Variants in IPO11 observed in about 807,000 individuals in gnomAD.
The protein encoded by IPO11 is importin 11.
A neutral mutation model predicts 143.2 loss-of-function variants in IPO11; 66 were observed. The observed-to-expected ratio is 0.46, with a 90% confidence interval of 0.38 to 0.57. The LOEUF is 0.57. Ranked by LOEUF, IPO11 falls within the 20% of genes least tolerant of loss-of-function variation. The probability of loss-of-function intolerance (pLI) is 0.00; values close to 1 mark genes in which losing one functional copy is unlikely to be tolerated. For synonymous variants in IPO11, 385 were observed against 377.8 expected, an observed-to-expected ratio of 1.02 and a Z score of -0.22; for missense variants, 1,026 against 1,141.0, an observed-to-expected ratio of 0.90 and a Z score of 1.45.
At chr5:62,445,943 G>A (rs974852635) in intron 3 of IPO11, among the ~76,000 whole-genome samples, 1 of 151,864 alleles carries the variant, frequency 6.6e-6, no homozygotes, top group Non-Finnish European at 1.5e-5. Flanking sequence ...CTGGCTCCTT[G>A]GCATAAAAGA....
intron 6 of IPO11, among the ~76,000 whole-genome samples, chr5:62,468,485 G>A (rs903267136): frequency 3.3e-5 from 5 of 152,204 alleles, no homozygotes; most frequent in African/African-American, 1.2e-4. Context: ...CATTGTAGAA[G>A]TAGTTATAAA....
At chr5:62,418,290 T>A (rs1743374443) in intron 1 of IPO11, among the ~76,000 whole-genome samples, 2 of 151,986 alleles carry the variant, frequency 1.3e-5, no homozygotes, top group African/African-American at 4.8e-5. Context: ...CTCAGCCTCC[T>A]GAGTAGCTGG....
chr5:62,445,977 C>G (rs904031636), intron 3 of IPO11, among the ~76,000 whole-genome samples: 9 of 152,132 alleles, frequency 5.9e-5, no homozygotes, highest in Middle Eastern at 3.4e-3. Context: ...AAGTTTAAAG[C>G]AAAATATTGT....
At chr5:62,615,671 AT>A (rs1460543747) in intron 29 of IPO11, among the ~76,000 whole-genome samples, 2 of 152,210 alleles carry the variant, frequency 1.3e-5, no homozygotes, top group Non-Finnish European at 2.9e-5. Context: ...AATCTGCAAA[AT>A]AGATGGGAGC....
intron 27 of IPO11, among the ~76,000 whole-genome samples, chr5:62,583,998 C>T (rs1323050061): frequency 6.6e-6 from 1 of 152,000 alleles, no homozygotes; most frequent in Non-Finnish European, 1.5e-5. Flanking sequence ...CCATTTTTTC[C>T]ATTGAGTATT....
chr5:62,436,519 G>GTA (rs1244315828), intron 1 of IPO11, among the ~76,000 whole-genome samples: 1 of 152,206 alleles, frequency 6.6e-6, no homozygotes, highest in Non-Finnish European at 1.5e-5. Context: ...TACTTGCTAA[G>GTA]TATAGAATTG....
At position 62,605,198 on chromosome 5, in the gene IPO11, TGTC is replaced by T. The variant is rs1745660545; in HGVS notation, c.2763+3351_2763+3353del. 2.6e-5 allele frequency among the ~76,000 whole-genome samples: 4 copies of T among 152,354 alleles called. No homozygotes were observed. The South Asian group carries it at 8.3e-4, about 32-fold the overall frequency. ...AATTTGATTCGCTTACTGTCATTGT[TGTC>T]TTAAAGTAGTCCATAAAATGTGGTG... On this transcript the variant is annotated intron_variant, in intron 29 of 29. Coordinates refer to ENST00000325324, the MANE Select transcript of IPO11 (RefSeq NM_016338.5).
chr5:62,535,695 T>C (rs568044311), intron 22 of IPO11, among the ~76,000 whole-genome samples: 1 of 152,298 alleles, frequency 6.6e-6, no homozygotes, highest in African/African-American at 2.4e-5. Flanking sequence ...TGTCATTCTT[T>C]TGTGAAAATA....
At chr5:62,436,391 T>TA (rs1198906141) in intron 1 of IPO11, among the ~76,000 whole-genome samples, 1 of 152,222 alleles carries the variant, frequency 6.6e-6, no homozygotes, top group African/African-American at 2.4e-5. Flanking sequence ...ATCAATACAG[T>TA]ACAACGCTAT....
chr5:62,443,420 TGC>T (rs1554047775), intron 3 of IPO11: 5 of 162,476 alleles, frequency 3.1e-5, no homozygotes, highest in Admixed American at 6.7e-5. Flanking sequence ...TGTGTGTGTG[TGC>T]GTGTGTGCGT....
chr5:62,519,560 C>T (rs180901570), intron 20 of IPO11, among the ~76,000 whole-genome samples: 8 of 152,224 alleles, frequency 5.3e-5, no homozygotes, highest in South Asian at 4.1e-4. Context: ...TGTATAAAGA[C>T]GGTTGAAGGC....
intron 15 of IPO11, among the ~76,000 whole-genome samples, chr5:62,493,321 T>C (rs930030453): frequency 6.6e-6 from 1 of 152,174 alleles, no homozygotes; most frequent in African/African-American, 2.4e-5. Flanking sequence ...TTCTTTATTA[T>C]TATTTTTGGG....
At chr5:62,504,346 C>T (rs1295872199) in intron 16 of IPO11, among the ~76,000 whole-genome samples, 1 of 152,150 alleles carries the variant, frequency 6.6e-6, no homozygotes, top group Non-Finnish European at 1.5e-5. Flanking sequence ...TGGTTTCCTG[C>T]TTCCTTCTTC....
chr5:62,586,769 ATATATATATATATATATAT>A (rs1744805493), intron 27 of IPO11, among the ~76,000 whole-genome samples: 1 of 47,798 alleles, frequency 2.1e-5, no homozygotes, highest in African/African-American at 1.0e-4. Flanking sequence ...AAAAAAAAAA[ATATATATATATATATATAT>A]ATATATATAT....
chr5:62,614,226 T>G (rs1341939986), intron 29 of IPO11, among the ~76,000 whole-genome samples: 1 of 152,240 alleles, frequency 6.6e-6, no homozygotes, highest in African/African-American at 2.4e-5. Context: ...GTTGATTTCA[T>G]CCCCACAATT....
At chr5:62,439,376 T>C (rs1477622864) in intron 2 of IPO11, among the ~76,000 whole-genome samples, 2 of 134,656 alleles carry the variant, frequency 1.5e-5, no homozygotes, top group Non-Finnish European at 3.1e-5. Flanking sequence ...AAGCTCCGCC[T>C]CCCAGGTTCA....
At chr5:62,421,258 C>T (rs922201335) in intron 1 of IPO11, among the ~76,000 whole-genome samples, 5 of 152,190 alleles carry the variant, frequency 3.3e-5, no homozygotes, top group Admixed American at 6.5e-5. Flanking sequence ...CTGTATAATA[C>T]ACCTTTGTTT....
intron 1 of IPO11, among the ~76,000 whole-genome samples, chr5:62,418,568 A>G (rs1743382274): frequency 6.6e-6 from 1 of 152,228 alleles, no homozygotes; most frequent in South Asian, 2.1e-4. Context: ...AATTAAGGAT[A>G]TCGGGAACAT....
intron 15 of IPO11, 31 bp from the exon 16 acceptor site, chr5:62,493,967 C>T: frequency 1.3e-6 from 2 of 1,570,954 alleles, no homozygotes; most frequent in Non-Finnish European, 8.7e-7. Context: ...AAATATTTAA[C>T]ATTTTAATTT....
Sources: gnomAD v4.1 joint callset for allele counts (sites outside exome capture counted in the v4.1 genomes callset) on GRCh38, gnomAD v4.1.1 for gene constraint, MANE v1.5 for transcripts, NCBI Gene and HGNC (gene_info 2026-07-23, HGNC 2026-07-21) for gene names.